Variants in WWOX observed in about 807,000 individuals in gnomAD.
The protein encoded by WWOX is WW domain-containing oxidoreductase.
Under a neutral mutation model 46.2 loss-of-function variants are expected in WWOX, and 69 were observed. The observed-to-expected ratio is 1.49, with a 90% CI of 1.23 to 1.82. WWOX has a LOEUF of 1.82. WWOX is among the 40% of genes most tolerant of loss of function. The pLI, the probability that WWOX is intolerant of heterozygous loss-of-function variation, is 0.00. For missense variants in WWOX, 919 were observed against 542.6 expected (o/e 1.69, Z -6.89); for synonymous variants, 359 against 202.6 (o/e 1.77, Z -6.56).
At chr16:78,925,108 T>G (rs1055407945) in intron 8 of WWOX, among the ~76,000 whole-genome samples, 3 of 152,120 alleles carry the variant, frequency 2.0e-5, no homozygotes, top group Non-Finnish European at 2.9e-5. Context: ...GATGGGATGA[T>G]TGGTTGAGCC....
At chr16:79,109,057 T>C (rs1036351885) in intron 8 of WWOX, among the ~76,000 whole-genome samples, 3 of 152,088 alleles carry the variant, frequency 2.0e-5, no homozygotes, top group Admixed American at 2.0e-4. Flanking sequence ...TGTGTTGTCT[T>C]TGTGTCCGTG....
chr16:78,868,579 G>C (rs1056406244), intron 8 of WWOX, among the ~76,000 whole-genome samples: 1 of 152,192 alleles, frequency 6.6e-6, no homozygotes, highest in Non-Finnish European at 1.5e-5. Context: ...TAAATCAGGT[G>C]ACTGAGCCAA....
chr16:78,450,706 T>C (rs188086463), intron 8 of WWOX, among the ~76,000 whole-genome samples: 53 of 152,324 alleles, frequency 3.5e-4, no homozygotes, highest in Admixed American at 8.5e-4. Flanking sequence ...TTGTTGGCTA[T>C]TGTGTGTGCT....
chr16:78,276,863 C>T (rs751238545), intron 5 of WWOX, among the ~76,000 whole-genome samples: 5 of 152,098 alleles, frequency 3.3e-5, no homozygotes, highest in Non-Finnish European at 7.3e-5. Flanking sequence ...TTTGCATCTC[C>T]GAACTCTCAT....
rs1189840513 is a variant in WWOX at position 78,398,883 on chromosome 16, G to A, written c.605+11935G>A. On this transcript the variant is annotated intron_variant, in intron 6 of 8. Transcript: ENST00000566780. ...GTGAATTTTAACCTGTGTCATCATT[G>A]TCATCGTCTTTATCATCCTTTGCAA... 3.9e-5 allele frequency among the ~76,000 whole-genome samples: 6 copies of A among 152,346 alleles called. No homozygotes were observed. The East Asian group carries it at 1.2e-3, about 29-fold the overall frequency.
At chr16:78,530,318 A>AGT (rs1485398162) in intron 8 of WWOX, among the ~76,000 whole-genome samples, 1 of 152,186 alleles carries the variant, frequency 6.6e-6, no homozygotes, top group African/African-American at 2.4e-5. Flanking sequence ...GTTCTTGTCC[A>AGT]GTGTCCAGGA....
chr16:78,715,212 TAAAG>T (rs2048533137), intron 8 of WWOX, among the ~76,000 whole-genome samples: 1 of 152,174 alleles, frequency 6.6e-6, no homozygotes, highest in African/African-American at 2.4e-5. Flanking sequence ...AGTTGCAAGT[TAAAG>T]AAAACACAAG....
intron 8 of WWOX, among the ~76,000 whole-genome samples, chr16:78,457,015 T>C (rs1446783853): frequency 2.6e-5 from 4 of 152,360 alleles, no homozygotes; most frequent in African/African-American, 9.6e-5. Context: ...ATGATGCTAC[T>C]GGCAGGATGG....
intron 5 of WWOX, among the ~76,000 whole-genome samples, chr16:78,330,603 G>C (rs1253576440): frequency 6.6e-6 from 1 of 152,144 alleles, no homozygotes. Flanking sequence ...CACCGTGTTG[G>C]CCGGGATGCT....
At chr16:78,596,492 A>T (rs911421207) in intron 8 of WWOX, among the ~76,000 whole-genome samples, 3 of 151,008 alleles carry the variant, frequency 2.0e-5, no homozygotes, top group African/African-American at 7.3e-5. Flanking sequence ...CAGGGGTGCT[A>T]AGGTGACTTC....
chr16:78,683,962 C>G (rs754333196), intron 8 of WWOX, among the ~76,000 whole-genome samples: 6 of 152,174 alleles, frequency 3.9e-5, no homozygotes, highest in Non-Finnish European at 8.8e-5. Context: ...GGGTAACTGT[C>G]TCTTGCGATC....
At chr16:78,796,182 C>G (rs2050732246) in intron 8 of WWOX, among the ~76,000 whole-genome samples, 1 of 152,322 alleles carries the variant, frequency 6.6e-6, no homozygotes. Flanking sequence ...TAACTGTTAA[C>G]TCCTAGAACT....
At chr16:78,962,473 C>G (rs945271603) in intron 8 of WWOX, among the ~76,000 whole-genome samples, 3 of 151,964 alleles carry the variant, frequency 2.0e-5, no homozygotes, top group African/African-American at 7.3e-5. Context: ...CAGTCATTTT[C>G]TAAGAAAGTG....
At chr16:78,639,585 GAC>G (rs1212370565) in intron 8 of WWOX, among the ~76,000 whole-genome samples, 1 of 24,682 alleles carries the variant, frequency 4.1e-5, no homozygotes, top group African/African-American at 1.2e-4. Flanking sequence ...TTTTTTTCCA[GAC>G]AGTTTCACTC....
At chr16:79,034,288 G>T (rs1488280182) in intron 8 of WWOX, among the ~76,000 whole-genome samples, 1 of 152,258 alleles carries the variant, frequency 6.6e-6, no homozygotes, top group African/African-American at 2.4e-5. Flanking sequence ...TAAATGAAAA[G>T]CACCATTATT....
intron 8 of WWOX, among the ~76,000 whole-genome samples, chr16:78,470,183 C>T (rs1366111460): frequency 6.6e-6 from 1 of 152,168 alleles, no homozygotes; most frequent in Non-Finnish European, 1.5e-5. Context: ...CTGTTGTCTG[C>T]ACAAAGCTGG....
intron 8 of WWOX, among the ~76,000 whole-genome samples, chr16:78,517,186 C>T (rs550897165): frequency 1.3e-5 from 2 of 152,208 alleles, no homozygotes; most frequent in East Asian, 3.9e-4. Context: ...AATGATTTTT[C>T]TGCAATTGAC....
At chr16:78,851,083 C>G (rs896632519) in intron 8 of WWOX, among the ~76,000 whole-genome samples, 1 of 152,154 alleles carries the variant, frequency 6.6e-6, no homozygotes, top group African/African-American at 2.4e-5. Context: ...GGCCAGGTGA[C>G]TTAATTTCCA....
At chr16:78,924,833 G>T (rs1471957123) in intron 8 of WWOX, among the ~76,000 whole-genome samples, 1 of 152,162 alleles carries the variant, frequency 6.6e-6, no homozygotes, top group Non-Finnish European at 1.5e-5. Context: ...GTCAACATAT[G>T]TGTGAAAATG....
Sources: gnomAD v4.1 joint callset for allele counts (sites outside exome capture counted in the v4.1 genomes callset) on GRCh38, gnomAD v4.1.1 for gene constraint, MANE v1.5 for transcripts, NCBI Gene and HGNC (gene_info 2026-07-23, HGNC 2026-07-21) for gene names.